The following GAB2 variants were observed in gnomAD, a reference collection of about 807,000 sequenced individuals.
GAB2 encodes GRB2 associated binding protein 2.
Under a neutral mutation model 65.5 loss-of-function variants are expected in GAB2, and 26 were observed. The observed-to-expected ratio is 0.40, with a 90% CI of 0.29 to 0.55. The LOEUF (loss-of-function observed/expected upper bound fraction) is 0.55, where lower values mean the gene tolerates loss of function less well. Ranked by LOEUF, GAB2 falls within the 20% of genes least tolerant of loss-of-function variation. The probability of loss-of-function intolerance (pLI) is 0.53; values close to 1 mark genes in which losing one functional copy is unlikely to be tolerated. For missense variants in GAB2, 884 were observed against 875.8 expected, an observed-to-expected ratio of 1.01 and a Z score of -0.12; for synonymous variants, 321 against 329.6, an observed-to-expected ratio of 0.97 and a Z score of 0.28.
At chr11:78,362,242 T>G (rs11601590) in intron 1 of GAB2, among the ~76,000 whole-genome samples, 38,898 of 151,858 alleles carry the variant, frequency 0.26, 5,668 homozygotes, top group East Asian at 0.41. Context: ...ATACACCAGG[T>G]TATTAGAAAT....
intron 1 of GAB2, among the ~76,000 whole-genome samples, chr11:78,395,350 A>C (rs528101673): frequency 4.6e-5 from 7 of 152,316 alleles, no homozygotes; most frequent in African/African-American, 1.7e-4. Flanking sequence ...GCTACAAAGA[A>C]GGCTGAGGCA....
chr11:78,328,713 A>G (rs1488403185), intron 1 of GAB2, among the ~76,000 whole-genome samples: 2 of 151,446 alleles, frequency 1.3e-5, no homozygotes, highest in South Asian at 2.1e-4. Context: ...ATGAGATTCT[A>G]AAACAGGCAA....
intron 1 of GAB2, among the ~76,000 whole-genome samples, chr11:78,372,217 C>CA (rs1856581375): frequency 6.6e-6 from 1 of 152,158 alleles, no homozygotes; most frequent in Non-Finnish European, 1.5e-5. Flanking sequence ...AAAGTGCTTT[C>CA]ACCTTAGCCT....
At chr11:78,269,155 T>C (rs1865945925) in intron 2 of GAB2, among the ~76,000 whole-genome samples, 1 of 152,164 alleles carries the variant, frequency 6.6e-6, no homozygotes, top group Non-Finnish European at 1.5e-5. Context: ...AGCCTCCGCC[T>C]CTGGGCTGGA....
chr11:78,409,151 T>C (rs941288167), intron 1 of GAB2, among the ~76,000 whole-genome samples: 3 of 152,182 alleles, frequency 2.0e-5, no homozygotes, highest in Non-Finnish European at 4.4e-5. Flanking sequence ...ATATATCAAG[T>C]AGCCCTCAGA....
chr11:78,394,055 G>T (rs1340014225), intron 1 of GAB2, among the ~76,000 whole-genome samples: 1 of 152,202 alleles, frequency 6.6e-6, no homozygotes, highest in Non-Finnish European at 1.5e-5. Context: ...TTGGGAGGCC[G>T]TGGCAGGCAG....
At chr11:78,354,893 T>C (rs1427552909) in intron 1 of GAB2, among the ~76,000 whole-genome samples, 1 of 152,214 alleles carries the variant, frequency 6.6e-6, no homozygotes, top group Non-Finnish European at 1.5e-5. Context: ...AATTACATCA[T>C]TATACCATAA....
intron 1 of GAB2, among the ~76,000 whole-genome samples, chr11:78,365,154 A>C (rs376585860): frequency 6.6e-6 from 1 of 152,196 alleles, no homozygotes; most frequent in Non-Finnish European, 1.5e-5. Context: ...GTGTAGGAAA[A>C]GGAGTCTGGT....
At chr11:78,257,063 C>G (rs1267892617) in intron 2 of GAB2, among the ~76,000 whole-genome samples, 1 of 151,948 alleles carries the variant, frequency 6.6e-6, no homozygotes, top group Admixed American at 6.6e-5. Context: ...AATCACTCCC[C>G]TTCCTTTCCA....
At chr11:78,366,585 CAAA>C (rs33997665) in intron 1 of GAB2, among the ~76,000 whole-genome samples, 1 of 32,950 alleles carries the variant, frequency 3.0e-5, no homozygotes, top group African/African-American at 1.4e-4. Flanking sequence ...GACTCCATCT[CAAA>C]AAAAAAAAAA....
chr11:78,338,598 T>C (rs1052551961), intron 1 of GAB2, among the ~76,000 whole-genome samples: 2 of 152,212 alleles, frequency 1.3e-5, no homozygotes, highest in African/African-American at 4.8e-5. Context: ...GGTTATAAAG[T>C]AGGTAGGTGA....
At chr11:78,343,077 A>T (rs1378606612) in intron 1 of GAB2, among the ~76,000 whole-genome samples, 1 of 152,128 alleles carries the variant, frequency 6.6e-6, no homozygotes, top group Admixed American at 6.5e-5. Flanking sequence ...TTATTGAATA[A>T]CCCACTAAGA....
chr11:78,300,685 G>GTTTTTTTTTTTTTTTTT (rs763136988), intron 1 of GAB2, among the ~76,000 whole-genome samples: 1 of 120,684 alleles, frequency 8.3e-6, no homozygotes, highest in African/African-American at 3.5e-5. Flanking sequence ...TTTTTTTTTG[G>GTTTTTTTTTTTTTTTTT]TTTTTTTTTG....
chr11:78,389,726 A>C (rs1856810184), intron 1 of GAB2, among the ~76,000 whole-genome samples: 2 of 152,218 alleles, frequency 1.3e-5, no homozygotes, highest in Non-Finnish European at 2.9e-5. Flanking sequence ...TGGTATGTGA[A>C]TTACATCCCA....
intron 1 of GAB2, among the ~76,000 whole-genome samples, chr11:78,297,051 G>A (rs952513954): frequency 8.5e-5 from 13 of 152,242 alleles, no homozygotes; most frequent in South Asian, 6.2e-4. Context: ...CAACATACAC[G>A]TTTTGGAGGG....
intron 1 of GAB2, among the ~76,000 whole-genome samples, chr11:78,315,008 G>A (rs899447932): frequency 6.6e-5 from 10 of 152,332 alleles, no homozygotes; most frequent in African/African-American, 2.2e-4. Flanking sequence ...CAGCGAGGGA[G>A]ACAGCAGATA....
intron 1 of GAB2, among the ~76,000 whole-genome samples, chr11:78,342,700 G>A (rs1856119352): frequency 2.0e-5 from 3 of 152,148 alleles, no homozygotes; most frequent in Non-Finnish European, 4.4e-5. Flanking sequence ...GAACCACCGC[G>A]CCTGGCCTGC....
intron 2 of GAB2, among the ~76,000 whole-genome samples, chr11:78,261,882 T>C (rs1865744773): frequency 6.6e-6 from 1 of 152,180 alleles, no homozygotes. Flanking sequence ...GTATATTAAG[T>C]TCACATTAAT....
chr11:78,375,207 G>A (rs1565177420), intron 1 of GAB2, among the ~76,000 whole-genome samples: 1 of 152,238 alleles, frequency 6.6e-6, no homozygotes, highest in Non-Finnish European at 1.5e-5. Flanking sequence ...ACTATGCCCT[G>A]CTAATATTTG....
Sources: allele counts gnomAD v4.1 joint callset (sites outside exome capture counted in the v4.1 genomes callset), GRCh38; gene constraint gnomAD v4.1.1; transcripts MANE v1.5; gene names NCBI Gene and HGNC (gene_info 2026-07-23, HGNC 2026-07-21).